Variants in DDX59 observed in about 807,000 individuals in gnomAD.
DDX59 encodes the protein DEAD-box helicase 59, also known as probable ATP-dependent RNA helicase DDX59.
In DDX59, 30 loss-of-function variants were observed where a neutral mutation model predicts 51.9. The observed-to-expected ratio is 0.58, with a 90% CI of 0.43 to 0.78. The LOEUF is 0.78. Among genes scored for constraint, DDX59 ranks in the 30% least tolerant of loss-of-function variants. The pLI, the probability that DDX59 is intolerant of heterozygous loss-of-function variation, is 0.00. For missense variants in DDX59, 672 were observed against 730.8 expected (o/e 0.92, Z 0.93); for synonymous variants, 255 against 253.3 (o/e 1.01, Z -0.06).
chr1:200,657,973 A>G (rs1207137776), intron 4 of DDX59, among the ~76,000 whole-genome samples: 1 of 152,190 alleles, frequency 6.6e-6, no homozygotes, highest in Non-Finnish European at 1.5e-5. Context: ...TAGCTCTAGA[A>G]GATTAACCAG....
intron 1 of DDX59, among the ~76,000 whole-genome samples, chr1:200,668,927 T>C (rs1662966998): frequency 6.6e-6 from 1 of 152,204 alleles, no homozygotes; most frequent in Non-Finnish European, 1.5e-5. Flanking sequence ...TTGCCCCGCC[T>C]TTCTAAACTA....
At chr1:200,642,603 G>A (rs1229207749), downstream of DDX59, among the ~76,000 whole-genome samples, 1 of 152,188 alleles carries the variant, frequency 6.6e-6, no homozygotes, top group African/African-American at 2.4e-5. Context: ...CCAAAGGAAA[G>A]ATCTTAAGGA....
intron 4 of DDX59, among the ~76,000 whole-genome samples, chr1:200,656,519 T>C (rs1662032104): frequency 6.6e-6 from 1 of 152,214 alleles, no homozygotes; most frequent in South Asian, 2.1e-4. Flanking sequence ...ACCTAAATAA[T>C]ACTTCTGTAC....
intron 7 of DDX59, among the ~76,000 whole-genome samples, chr1:200,645,154 TG>T (rs1464885475): frequency 6.6e-6 from 1 of 152,150 alleles, no homozygotes. Context: ...TTTCTTATTG[TG>T]GGTGGGTTAA....
intron 1 of DDX59, among the ~76,000 whole-genome samples, chr1:200,668,051 C>G (rs1373756164): frequency 6.6e-6 from 1 of 152,116 alleles, no homozygotes; most frequent in Non-Finnish European, 1.5e-5. Flanking sequence ...GTAATCCTAG[C>G]ACTTTGGGAG....
rs557573011 is a variant in DDX59 at position 200,645,620 on chromosome 1, G to A, written c.1597-1103C>T. On this transcript the variant is annotated intron_variant, in intron 7 of 7. Transcript: ENST00000331314. The stretch of plus-strand genomic sequence containing the variant: ...CACAAATTTATGGAGTATCAATAAG[G>A]CACAAAACCTACTTGTCTCCAAATA... Among the ~76,000 whole-genome samples, 19 of 152,178 alleles carry A rather than the reference G, an allele frequency of 1.2e-4. No homozygotes were observed. The South Asian group carries it at 3.9e-3, about 32-fold the overall frequency.
intron 4 of DDX59, among the ~76,000 whole-genome samples, chr1:200,653,604 A>G (rs1661811146): frequency 6.6e-6 from 1 of 152,196 alleles, no homozygotes; most frequent in African/African-American, 2.4e-5. Flanking sequence ...CACACTTAGA[A>G]TAAAATCCAA....
Position 200,666,141 on chromosome 1 carries a change from C to A in DDX59, c.600G>T (p.Arg200Ser), listed in dbSNP as rs1662721132. 1 of 1,614,064 alleles carries A rather than the reference C, an allele frequency of 6.2e-7. No individual in the cohort carries two copies. Among genetic ancestry groups the A allele is most frequent in the African/African-American group, 1.3e-5 (1 of 74,926 alleles). The change falls in exon 2 of 8, where the codon AGG becomes AGT. Residue 200 changes from arginine (R) to serine (S), a missense_variant. Coordinates refer to ENST00000331314, the MANE Select transcript of DDX59 (RefSeq NM_001031725.6). Reference sequence around the variant, plus strand: ...TACAATGTTCAAAGTCAATAATGGGCCTGGTGACTTCTTGCCCTTGAACTA... The same window carrying A: ...TACAATGTTCAAAGTCAATAATGGGACTGGTGACTTCTTGCCCTTGAACTA... Reference protein sequence around the residue: ...GILVQGQEVTRPIIDFEHCSL... With the variant: ...GILVQGQEVTSPIIDFEHCSL...
intron 4 of DDX59, among the ~76,000 whole-genome samples, chr1:200,653,528 A>G (rs1661805275): frequency 1.3e-5 from 2 of 152,196 alleles, no homozygotes; most frequent in Admixed American, 1.3e-4. Flanking sequence ...GCAACCAGAT[A>G]GATTCTTCTA....
chr1:200,661,995 CTCTT>C (rs1482897167), intron 3 of DDX59, among the ~76,000 whole-genome samples: 1 of 152,276 alleles, frequency 6.6e-6, no homozygotes, highest in East Asian at 1.9e-4. Flanking sequence ...CCTCCCCACT[CTCTT>C]TCTTCCTCCT....
At chr1:200,648,030 TG>T (rs113134173) in intron 7 of DDX59, among the ~76,000 whole-genome samples, 3,278 of 27,228 alleles carry the variant, frequency 0.12, 46 homozygotes, top group African/African-American at 0.16. Context: ...TGCTTTTTTT[TG>T]GGGGGGGGGA....
intron 1 of DDX59, among the ~76,000 whole-genome samples, chr1:200,668,363 T>C (rs1362944577): frequency 1.3e-5 from 2 of 151,954 alleles, no homozygotes; most frequent in Non-Finnish European, 2.9e-5. Context: ...ACACAATTCT[T>C]AAGTGTTACA....
At chr1:200,660,304 CTTT>C (rs1156686343) in intron 3 of DDX59, among the ~76,000 whole-genome samples, 2 of 152,096 alleles carry the variant, frequency 1.3e-5, no homozygotes, top group Non-Finnish European at 2.9e-5. Context: ...ATCTGAAAAG[CTTT>C]TTATGTTGTC....
chr1:200,652,105 T>C (rs1274771073), intron 4 of DDX59, among the ~76,000 whole-genome samples: 1 of 152,170 alleles, frequency 6.6e-6, no homozygotes, highest in African/African-American at 2.4e-5. Flanking sequence ...AATTCTTTTT[T>C]TTCCCCCTTC....
At chr1:200,644,952 C>T (rs535998598) in intron 7 of DDX59, among the ~76,000 whole-genome samples, 12 of 147,888 alleles carry the variant, frequency 8.1e-5, no homozygotes, top group Admixed American at 6.7e-4. Flanking sequence ...ATCCAGACAG[C>T]ATTTTTTGAA....
intron 4 of DDX59, among the ~76,000 whole-genome samples, chr1:200,655,533 C>G (rs1661965574): frequency 6.6e-6 from 1 of 152,112 alleles, no homozygotes; most frequent in Non-Finnish European, 1.5e-5. Flanking sequence ...ATAATTTGGC[C>G]CCACCCTAAC....
rs910637223 is a variant in DDX59, at chr1:200,666,115, C to T, written c.626G>A (p.Ser209Asn). 1 of 1,614,172 alleles carries T rather than the reference C, an allele frequency of 6.2e-7. No individual in the cohort carries two copies. Among genetic ancestry groups the T allele is most frequent in the Non-Finnish European group, 8.5e-7 (1 of 1,180,014 alleles). Residue 209 changes from serine (S) to asparagine (N), a missense_variant, in exon 2 of 8, where the codon AGT becomes AAT. Transcript: ENST00000331314. The part of the protein sequence containing the change: ...TRPIIDFEHC[S>N]LPEVLNHNLK... Reference sequence around the variant, plus strand: ...GTTGTGATTTAAGACCTCAGGGAGACTACAATGTTCAAAGTCAATAATGGG... The same window carrying T: ...GTTGTGATTTAAGACCTCAGGGAGATTACAATGTTCAAAGTCAATAATGGG...
intron 4 of DDX59, among the ~76,000 whole-genome samples, chr1:200,653,813 C>T (rs1661824502): frequency 6.6e-6 from 1 of 152,164 alleles, no homozygotes; most frequent in Non-Finnish European, 1.5e-5. Context: ...TGACCAGCTC[C>T]TTCTCATTCA....
intron 3 of DDX59, among the ~76,000 whole-genome samples, chr1:200,663,503 T>C (rs1160737442): frequency 2.0e-5 from 3 of 152,300 alleles, no homozygotes; most frequent in South Asian, 4.1e-4. Context: ...CATAACAGCA[T>C]GGCTAAGGAA....
Sources: gnomAD v4.1 joint callset for allele counts (sites outside exome capture counted in the v4.1 genomes callset) on GRCh38, gnomAD v4.1.1 for gene constraint, MANE v1.5 for transcripts, NCBI Gene and HGNC (gene_info 2026-07-23, HGNC 2026-07-21) for gene names.